TRIM51G: variants seen among roughly 807,000 people sequenced by gnomAD.
TRIM51G encodes the protein tripartite motif-containing protein 51G.
chr11:48,979,408 T>TA, the TRIM51G span, among the ~76,000 whole-genome samples: 1 of 152,178 alleles, frequency 6.6e-6, no homozygotes, highest in African/African-American at 2.4e-5. Context: ...TATCAAGTTA[T>TA]GCTGACTAGG....
chr11:48,975,627 T>A, the TRIM51G span: 3 of 1,402,722 alleles, frequency 2.1e-6, no homozygotes, highest in Admixed American at 5.0e-5. Context: ...CCAGGAATAA[T>A]CCTACTGTGT....
the TRIM51G span, among the ~76,000 whole-genome samples, chr11:48,979,415 T>G: frequency 6.6e-6 from 1 of 152,290 alleles, no homozygotes; most frequent in Admixed American, 6.5e-5. Context: ...TTATGCTGAC[T>G]AGGTAAGAAA....
chr11:48,981,276 A>T, the TRIM51G span: 3 of 1,603,952 alleles, frequency 1.9e-6, no homozygotes, highest in Admixed American at 5.0e-5. Context: ...CTTCAGAGGC[A>T]TCACTTACCC....
the TRIM51G span, chr11:48,981,332 G>A: frequency 6.8e-6 from 11 of 1,606,382 alleles, no homozygotes; most frequent in Admixed American, 1.7e-5. Flanking sequence ...CTGTGATTCC[G>A]GTGCTCCTGA....
At chr11:48,977,256 G>T in the TRIM51G span, 2 of 698,918 alleles carry the variant, frequency 2.9e-6, no homozygotes, top group South Asian at 3.0e-5. Context: ...TTATTTAAAA[G>T]ACATTTCATG....
the TRIM51G span, chr11:48,979,250 G>A: frequency 1.9e-6 from 1 of 514,478 alleles, no homozygotes; most frequent in Non-Finnish European, 3.7e-6. Flanking sequence ...TTTCATTTCT[G>A]TATTAATATC....
the TRIM51G span, chr11:48,978,957 CT>C: frequency 1.8e-5 from 28 of 1,587,550 alleles, no homozygotes; most frequent in Non-Finnish European, 2.2e-5. Flanking sequence ...ATGTTCCATT[CT>C]GGCTTTGCTT....
chr11:48,982,495 T>G, the TRIM51G span, among the ~76,000 whole-genome samples: 2 of 152,138 alleles, frequency 1.3e-5, no homozygotes, highest in African/African-American at 4.8e-5. Context: ...ACATGTAAGT[T>G]GGTGAGCTGA....
the TRIM51G span, among the ~76,000 whole-genome samples, chr11:48,977,425 GA>G: frequency 1.3e-5 from 2 of 152,104 alleles, no homozygotes; most frequent in African/African-American, 4.8e-5. Flanking sequence ...AATTAGTAAG[GA>G]TCATTAGTCT....
At chr11:48,980,399 A>T in the TRIM51G span, among the ~76,000 whole-genome samples, 1 of 152,064 alleles carries the variant, frequency 6.6e-6, no homozygotes, top group Non-Finnish European at 1.5e-5. Flanking sequence ...TTTTCCCTTT[A>T]TATGTGTTAT....
the TRIM51G span, chr11:48,975,760 C>A: frequency 1.0e-5 from 16 of 1,564,238 alleles, no homozygotes. Flanking sequence ...GTCATTCTGT[C>A]TCTTCTCTTT....
At chr11:48,982,959 A>G in the TRIM51G span, among the ~76,000 whole-genome samples, 5,208 of 14,892 alleles carry the variant, frequency 0.35, 370 homozygotes, top group East Asian at 0.55. Context: ...ATATATACAT[A>G]TATATATATA....
chr11:48,976,951 A>T, the TRIM51G span: 1 of 548,272 alleles, frequency 1.8e-6, no homozygotes, highest in South Asian at 1.8e-5. Context: ...CACAGATATA[A>T]AAGTGTTGTA....
chr11:48,979,713 CAT>C, the TRIM51G span, among the ~76,000 whole-genome samples: 88 of 151,458 alleles, frequency 5.8e-4, 1 homozygote, highest in Admixed American at 1.6e-3. Flanking sequence ...TATATGTACT[CAT>C]ATATATTTCT....
chr11:48,978,524 T>C, the TRIM51G span, among the ~76,000 whole-genome samples: 1 of 152,158 alleles, frequency 6.6e-6, no homozygotes. Flanking sequence ...TTCTCCATCA[T>C]GCCATGTCTC....
chr11:48,980,985 T>G, the TRIM51G span: 1 of 550,222 alleles, frequency 1.8e-6, no homozygotes, highest in Non-Finnish European at 3.6e-6. Flanking sequence ...AGACTGCATT[T>G]TTCTTAGGAG....
the TRIM51G span, among the ~76,000 whole-genome samples, chr11:48,977,632 A>G: frequency 6.6e-6 from 1 of 152,142 alleles, no homozygotes; most frequent in African/African-American, 2.4e-5. Flanking sequence ...GGAGGCCTAC[A>G]CGGTTCAAAC....
chr11:48,978,875 G>T, the TRIM51G span: 41 of 1,351,078 alleles, frequency 3.0e-5, no homozygotes, highest in Non-Finnish European at 4.0e-5. Flanking sequence ...TCCGTACCTG[G>T]AATAGCTCCA....
At chr11:48,980,784 G>A in the TRIM51G span, 8 of 375,660 alleles carry the variant, frequency 2.1e-5, no homozygotes, top group East Asian at 6.0e-4. Flanking sequence ...TTTTTCTCAA[G>A]TGTTTTTTCC....
Sources: gnomAD v4.1 joint callset for allele counts (sites outside exome capture counted in the v4.1 genomes callset) on GRCh38, gnomAD v4.1.1 for gene constraint, MANE v1.5 for transcripts, NCBI Gene and HGNC (gene_info 2026-07-23, HGNC 2026-07-21) for gene names.